The following CCT2 variants were observed in gnomAD, a reference collection of about 807,000 sequenced individuals.
CCT2 encodes the protein T-complex protein 1 subunit beta.
CCT2 carries 18 observed loss-of-function variants against 61.8 expected under a neutral mutation model. The observed-to-expected ratio is 0.29, with a 90% CI of 0.20 to 0.43. The LOEUF (loss-of-function observed/expected upper bound fraction) is 0.43. CCT2 is among the 20% of genes least tolerant of loss of function. CCT2 has a pLI of 1.00. For synonymous variants in CCT2, 248 were observed against 215.9 expected, an observed-to-expected ratio of 1.15 and a Z score of -1.30; for missense variants, 556 against 656.9, an observed-to-expected ratio of 0.85 and a Z score of 1.68.
In CCT2 at chr12:69,585,482, CTG is replaced by C; in HGVS notation, c.-37_-36del. 1.3e-6 allele frequency: 2 copies of C among 1,557,624 alleles called. No homozygotes were observed. The highest frequency in any genetic ancestry group is 1.7e-6 in the Non-Finnish European group (2 of 1,149,782). On this transcript the variant is annotated 5_prime_UTR_variant, in exon 1 of 16. Coordinates refer to ENST00000299300, the MANE Select transcript of CCT2 (RefSeq NM_006431.3). ...TCAGTCCGCTGGTCCCGAGCACGAG[CTG>C]TGAGGGGATTCACTTGTGTGCGGAA...
intron 6 of CCT2, 115 bp from the exon 7 acceptor site, chr12:69,589,370 C>T: frequency 1.4e-6 from 1 of 693,716 alleles, no homozygotes; most frequent in Non-Finnish European, 2.4e-6. Flanking sequence ...TAATTCTTTT[C>T]ATATAGCTTA....
chr12:69,595,737 T>C (rs1881970151), intron 10 of CCT2, among the ~76,000 whole-genome samples: 1 of 151,838 alleles, frequency 6.6e-6, no homozygotes, highest in African/African-American at 2.4e-5. Context: ...AATAATATAT[T>C]GATGGGATAA....
At chr12:69,587,739 T>C (rs777225038) in intron 4 of CCT2, 123 bp downstream of exon 4, 22 of 741,664 alleles carry the variant, frequency 3.0e-5, no homozygotes, top group Non-Finnish European at 4.5e-5. Context: ...AGTTGTTAAT[T>C]ATCGTTGTTA....
intron 10 of CCT2, among the ~76,000 whole-genome samples, chr12:69,596,117 G>C (rs1881981660): frequency 6.6e-6 from 1 of 152,120 alleles, no homozygotes; most frequent in Admixed American, 6.6e-5. Context: ...GAAGTGAAAA[G>C]TTTCATAAGC....
In CCT2 at chr12:69,585,496, A is replaced by G. The variant is rs775223273; in HGVS notation, c.-26A>G. ...CCGAGCACGAGCTGTGAGGGGATTC[A>G]CTTGTGTGCGGAACTCCTCGGAACC... is the stretch of plus-strand genomic sequence containing the variant. On this transcript the variant is annotated 5_prime_UTR_variant, in exon 1 of 16. Transcript: ENST00000299300. 9 of 1,562,978 alleles carry G rather than the reference A, an allele frequency of 5.8e-6. No individual in the cohort carries two copies. The highest frequency in any genetic ancestry group is 1.7e-4 in the Middle Eastern group (1 of 6,024).
intron 8 of CCT2, 36 bp from the exon 9 acceptor site, chr12:69,592,936 TAATG>T: frequency 3.1e-6 from 5 of 1,594,672 alleles, no homozygotes; most frequent in Non-Finnish European, 2.6e-6. Flanking sequence ...TCAAAAAAAA[TAATG>T]AAACTGATGC....
chr12:69,585,735 G>A, intron 1 of CCT2: 2 of 1,455,004 alleles, frequency 1.4e-6, no homozygotes, highest in Admixed American at 2.5e-5. Flanking sequence ...CAAAGCCAGC[G>A]TCTCCTTGTG....
chr12:69,586,828 A>G lies in CCT2; in HGVS notation c.144+10A>G, dbSNP rs2135849021. ...GGGACCCAAAGGCATGGTAAGAAAA[A>G]TAGAAAAGTTTTATATTTTAATATT... is the stretch of plus-strand genomic sequence containing the variant. On this transcript the variant is annotated intron_variant, in intron 3 of 15. Transcript: ENST00000299300. The G allele has an allele frequency of 6.5e-7, 1 of 1,547,844 alleles. No individual in the cohort carries two copies. Among genetic ancestry groups the G allele is most frequent in the Non-Finnish European group, 8.8e-7 (1 of 1,138,558 alleles).
chr12:69,592,043 C>T lies in CCT2; in HGVS notation c.650-16C>T, dbSNP rs1166586347. On this transcript the variant is annotated splice_polypyrimidine_tract_variant and intron_variant, in intron 7 of 15. Transcript: ENST00000299300. ...TTGAAGTATTAAATATGATACTGTTCTTATATTTATTGTAGGCTTCCTGTT... is the reference window on the plus strand; with the variant it reads ...TTGAAGTATTAAATATGATACTGTTTTTATATTTATTGTAGGCTTCCTGTT... 26 of 1,387,092 alleles carry T rather than the reference C, an allele frequency of 1.9e-5. No individual in the cohort carries two copies. Among genetic ancestry groups the T allele is most frequent in the East Asian group, 2.3e-5 (1 of 43,724 alleles). The allele number at this position is 1,387,092 out of a possible 1,614,324, so 85.9% of individuals were successfully genotyped here.
At chr12:69,598,231 A>C in intron 13 of CCT2, 91 bp from the exon 14 acceptor site, 1 of 1,068,952 alleles carries the variant, frequency 9.4e-7, no homozygotes, top group Non-Finnish European at 1.4e-6. Flanking sequence ...TTGTTCCTAA[A>C]TGTATAATTT....
At position 69,586,333 on chromosome 12, in the gene CCT2, A is replaced by G; in HGVS notation, c.67A>G (p.Thr23Ala). 6.8e-6 allele frequency: 11 copies of G among 1,610,604 alleles called. No individual in the cohort carries two copies. The highest frequency in any genetic ancestry group is 9.3e-6 in the Non-Finnish European group (11 of 1,176,838). Residue 23 changes from threonine to alanine, a missense_variant, in exon 2 of 16, where the codon ACA (threonine) becomes GCA (alanine). This residue lies in a region of CCT2 where 308 missense variants were observed against 350.6 expected (regional missense o/e 0.88). Coordinates refer to ENST00000299300, the MANE Select transcript of CCT2 (RefSeq NM_006431.3). ...AGGAGCTGATGAAGAGAGAGCAGAG[A>G]CAGCTCGTCTGGTAAGCCTTGTTCT... ...KAGADEERAE[T>A]ARLTSFIGAI...
At chr12:69,586,051 C>A (rs200272078) in intron 1 of CCT2, 1 of 1,381,930 alleles carries the variant, frequency 7.2e-7, no homozygotes, top group Non-Finnish European at 9.4e-7. Flanking sequence ...TTTATACTCC[C>A]GGGGGCCTTG....
At chr12:69,600,176 G>A (rs1882110214) in intron 15 of CCT2, among the ~76,000 whole-genome samples, 172 bp downstream of exon 15, 2 of 152,206 alleles carry the variant, frequency 1.3e-5, no homozygotes, top group South Asian at 4.1e-4. Flanking sequence ...AAACTTAAGG[G>A]GAAAGAGGGA....
chr12:69,595,069 A>ACGAGACCT (rs1881947664), intron 10 of CCT2, among the ~76,000 whole-genome samples: 1 of 151,136 alleles, frequency 6.6e-6, no homozygotes, highest in Admixed American at 6.6e-5. Flanking sequence ...ATGAGAATTA[A>ACGAGACCT]GGAGACCTGG....
chr12:69,585,459 A>C lies in CCT2; in HGVS notation c.-63A>C. 1 of 1,547,446 alleles carries C rather than the reference A, an allele frequency of 6.5e-7. No individual in the cohort carries two copies. Among genetic ancestry groups the C allele is most frequent in the Non-Finnish European group, 8.8e-7 (1 of 1,142,556 alleles). ...TGTGGCGTCACTTCCGGCTTCCTTC[A>C]GTCCGCTGGTCCCGAGCACGAGCTG... On this transcript the variant is annotated 5_prime_UTR_variant, in exon 1 of 16. Coordinates refer to ENST00000299300, the MANE Select transcript of CCT2 (RefSeq NM_006431.3).
intron 3 of CCT2, chr12:69,587,202 ATAT>A: frequency 5.8e-6 from 2 of 345,834 alleles, no homozygotes; most frequent in East Asian, 5.0e-5. Context: ...TAACTGTCAA[ATAT>A]TATCCTGTAC....
In CCT2 at chr12:69,595,090, G is replaced by A. The variant is rs186716374; in HGVS notation, c.982+1477G>A. 2.2e-5 allele frequency among the ~76,000 whole-genome samples: 3 copies of A among 135,130 alleles called. No individual in the cohort carries two copies. In the East Asian group the frequency reaches 6.8e-4, roughly 31 times the overall value. 88.7% of individuals were successfully genotyped at this position (135,130 alleles called of 152,430 possible). A position where few individuals can be genotyped will look rare whatever the true frequency, so the allele number is the denominator to read the frequency against. ...ATTAAGGAGACCTGGGTTATGAGTT[G>A]TGAAGTCAGTAGGGCTGTCACACTG... On this transcript the variant is annotated intron_variant, in intron 10 of 15. Coordinates refer to ENST00000299300, the MANE Select transcript of CCT2 (RefSeq NM_006431.3).
chr12:69,597,662 G>A lies in CCT2; in HGVS notation c.1127G>A (p.Arg376His), dbSNP rs773803414. Residue 376 changes from arginine (R) to histidine (H), a missense_variant, in exon 12 of 16, where the codon CGT becomes CAT. Physicochemically the swap from Arg to His is conservative, Grantham distance 29 (BLOSUM62 0). This residue lies in a region of CCT2 where 225 missense variants were observed against 249.8 expected (regional missense o/e 0.90). Transcript: ENST00000299300. Reference sequence around the variant, plus strand: ...GGTGAGGCTTGTACCATTGTTTTGCGTGGTGCCACTCAACAAATTTTAGAT... The same window carrying A: ...GGTGAGGCTTGTACCATTGTTTTGCATGGTGCCACTCAACAAATTTTAGAT... Reference protein sequence around the residue: ...ALGEACTIVLRGATQQILDEA... With the variant: ...ALGEACTIVLHGATQQILDEA... 28 of 1,613,672 alleles carry A rather than the reference G, an allele frequency of 1.7e-5. No homozygotes were observed. The highest frequency in any genetic ancestry group is 8.3e-5 in the Admixed American group (5 of 59,950).
chr12:69,589,265 G>T (rs1881762380), intron 6 of CCT2: 1 of 521,296 alleles, frequency 1.9e-6, no homozygotes, highest in Non-Finnish European at 3.3e-6. Flanking sequence ...TTGCATGCTT[G>T]TGTGGCCCCC....
Sources: gnomAD v4.1 joint callset for allele counts (sites outside exome capture counted in the v4.1 genomes callset) on GRCh38, gnomAD v4.1.1 for gene constraint, gnomAD v4.1.1 regional missense constraint, MANE v1.5 for transcripts, NCBI Gene and HGNC (gene_info 2026-07-23, HGNC 2026-07-21) for gene names.